The following GMFB variants were observed in gnomAD, a reference collection of about 807,000 sequenced individuals.
GMFB encodes GMF-beta.
GMFB carries 13 observed loss-of-function variants against 25.6 expected under a neutral mutation model. That is an observed-to-expected ratio of 0.51 (90% CI 0.33 to 0.81). The LOEUF (loss-of-function observed/expected upper bound fraction) is 0.81, where lower values mean the gene tolerates loss of function less well. Among genes scored for constraint, GMFB ranks in the 30% least tolerant of loss-of-function variants. GMFB has a pLI of 0.02. For missense variants in GMFB, 146 were observed against 175.4 expected (o/e 0.83, Z 0.95); for synonymous variants, 57 against 56.9 (o/e 1.00, Z 0.00).
intron 6 of GMFB, 71 bp from the exon 7 acceptor site, chr14:54,478,230 A>T (rs2031667097): frequency 3.5e-6 from 2 of 569,280 alleles, no homozygotes; most frequent in East Asian, 3.1e-5. Flanking sequence ...TGAATTTTTT[A>T]AAATATATTT....
intron 1 of GMFB, among the ~76,000 whole-genome samples, chr14:54,487,452 C>T (rs1047755973): frequency 4.6e-5 from 7 of 152,000 alleles, no homozygotes; most frequent in African/African-American, 1.2e-4. Context: ...GGAGAACGAA[C>T]GGCGTGAACC....
intron 2 of GMFB, chr14:54,483,362 C>G (rs1173702542): frequency 4.0e-6 from 1 of 250,964 alleles, no homozygotes; most frequent in East Asian, 8.1e-5. Flanking sequence ...TTTAGTCCCC[C>G]AAGAAGGATG....
chr14:54,488,965 G>T lies in GMFB; in HGVS notation c.-38C>A. 2 of 1,543,068 alleles carry T rather than the reference G, an allele frequency of 1.3e-6. No homozygotes were observed. Among genetic ancestry groups the T allele is most frequent in the East Asian group, 2.7e-5 (1 of 37,450 alleles). On this transcript the variant is annotated 5_prime_UTR_variant, in exon 1 of 7. Coordinates refer to ENST00000358056, the MANE Select transcript of GMFB (RefSeq NM_004124.3). ...CGTCAGCGGCCTGTCGCCTACACTC[G>T]GGCGCCTTTAAGAATGGCACGGCGG...
Position 54,475,092 on chromosome 14 carries a change from C to T in GMFB, c.*2996G>A, listed in dbSNP as rs139510972. ...ACTTGAATTGATAGAATATGAGTTA[C>T]TCTCTACTTCCACCAAATATCAGCA... On this transcript the variant is annotated 3_prime_UTR_variant, in exon 7 of 7. Transcript: ENST00000358056. 6.5e-4 allele frequency: 100 copies of T among 152,680 alleles called. No homozygotes were observed. Among genetic ancestry groups the T allele is most frequent in the African/African-American group, 2.3e-3 (96 of 41,558 alleles). 9.5% of individuals were successfully genotyped at this position (152,680 alleles called of 1,614,324 possible).
chr14:54,485,076 TG>T, intron 1 of GMFB, among the ~76,000 whole-genome samples: 1 of 148,484 alleles, frequency 6.7e-6, no homozygotes, highest in South Asian at 2.1e-4. Flanking sequence ...GCATACTAAA[TG>T]GGGAAAAACT....
intron 1 of GMFB, among the ~76,000 whole-genome samples, chr14:54,488,218 GATTT>G (rs1223419370): frequency 6.6e-6 from 1 of 152,176 alleles, no homozygotes; most frequent in Non-Finnish European, 1.5e-5. Flanking sequence ...CCTTGATGGC[GATTT>G]ATTTAATTTT....
chr14:54,486,248 C>G lies in GMFB; in HGVS notation c.4-2481G>C, dbSNP rs374427552. 4.6e-5 allele frequency among the ~76,000 whole-genome samples: 7 copies of G among 151,878 alleles called. No homozygotes were observed. In the South Asian group the frequency reaches 6.2e-4, roughly 14 times the overall value. On this transcript the variant is annotated intron_variant, in intron 1 of 6. Coordinates refer to ENST00000358056, the MANE Select transcript of GMFB (RefSeq NM_004124.3). Reference sequence around the variant, plus strand: ...CTGGCGACAGAGCGAGACTCCATCTCAAAAACAAAAACAAAAAAACAAAAA... The same window carrying G: ...CTGGCGACAGAGCGAGACTCCATCTGAAAAACAAAAACAAAAAAACAAAAA...
chr14:54,478,972 A>C (rs1329019681), intron 6 of GMFB: 1 of 152,116 alleles, frequency 6.6e-6, no homozygotes, highest in Non-Finnish European at 1.5e-5. Context: ...CGTTAGAGCA[A>C]CTCCAGTGTC....
At position 54,478,047 on chromosome 14, in the gene GMFB, C is replaced by G; in HGVS notation, c.*41G>C. 1 of 809,350 alleles carries G rather than the reference C, an allele frequency of 1.2e-6. No homozygotes were observed. Among genetic ancestry groups the G allele is most frequent in the South Asian group, 1.8e-5 (1 of 54,992 alleles). The allele number at this position is 809,350 out of a possible 1,614,324, so 50.1% of individuals were successfully genotyped here. On this transcript the variant is annotated 3_prime_UTR_variant, in exon 7 of 7. Coordinates refer to ENST00000358056, the MANE Select transcript of GMFB (RefSeq NM_004124.3). Reference sequence around the variant, plus strand: ...TATTTATGTCTGATTCCAGTATGGTCAGGTTAATACATAAATACTTTAGAA... The same window carrying G: ...TATTTATGTCTGATTCCAGTATGGTGAGGTTAATACATAAATACTTTAGAA...
At chr14:54,478,331 T>G in intron 6 of GMFB, 172 bp from the exon 7 acceptor site, 1 of 404,874 alleles carries the variant, frequency 2.5e-6, no homozygotes, top group Non-Finnish European at 4.5e-6. Context: ...ACTTAACCTG[T>G]GTAAATGAGA....
At chr14:54,486,023 G>A (rs542954818) in intron 1 of GMFB, among the ~76,000 whole-genome samples, 34 of 152,220 alleles carry the variant, frequency 2.2e-4, no homozygotes, top group South Asian at 6.2e-4. Context: ...AGGCCGAGGC[G>A]GGCGGATCAT....
chr14:54,477,333 G>T lies in GMFB; in HGVS notation c.*755C>A, dbSNP rs1320552461. On this transcript the variant is annotated 3_prime_UTR_variant, in exon 7 of 7. Transcript: ENST00000358056. Reference sequence around the variant, plus strand: ...CATTTAAAATAATTAGTGTTCACAGGACATTGAGGTGCTTTATAAATAAAG... The same window carrying T: ...CATTTAAAATAATTAGTGTTCACAGTACATTGAGGTGCTTTATAAATAAAG... 1 of 152,382 alleles carries T rather than the reference G, an allele frequency of 6.6e-6. No individual in the cohort carries two copies. Among genetic ancestry groups the T allele is most frequent in the Admixed American group, 6.6e-5 (1 of 15,246 alleles). The allele number at this position is 152,382 out of a possible 1,614,324, so 9.4% of individuals were successfully genotyped here.
rs1205890303 is a variant in GMFB, at chr14:54,477,451, G to A, written c.*637C>T. The A allele has an allele frequency of 6.6e-6, 1 of 152,274 alleles. No homozygotes were observed. The highest frequency in any genetic ancestry group is 2.4e-5 in the African/African-American group (1 of 41,412). 9.4% of individuals were successfully genotyped at this position (152,274 alleles called of 1,614,324 possible). Reference sequence around the variant, plus strand: ...ACCCACCAATTTCTAAGACTAAGATGCTATAAGGAGAAAAGCTAACAGTCA... The same window carrying A: ...ACCCACCAATTTCTAAGACTAAGATACTATAAGGAGAAAAGCTAACAGTCA... On this transcript the variant is annotated 3_prime_UTR_variant, in exon 7 of 7. Transcript: ENST00000358056.
intron 2 of GMFB, chr14:54,483,371 T>A: frequency 7.5e-6 from 2 of 266,722 alleles, no homozygotes; most frequent in Admixed American, 9.6e-5. Flanking sequence ...CCAAGAAGGA[T>A]GGGTTGGATG....
chr14:54,480,114 A>G, intron 5 of GMFB: 1 of 352,462 alleles, frequency 2.8e-6, no homozygotes, highest in South Asian at 4.3e-5. Flanking sequence ...CCTGACTTTT[A>G]GAGCCTTGCA....
Position 54,488,522 on chromosome 14 carries a change from C to T in GMFB, c.3+403G>A, listed in dbSNP as rs61985949. The T allele has an allele frequency of 5.7e-3, 1,138 of 199,948 alleles. 5 individuals are homozygous for T. Among genetic ancestry groups the T allele is most frequent in the Non-Finnish European group, 9.5e-3 (940 of 99,164 alleles). The allele number at this position is 199,948 out of a possible 1,614,324, so 12.4% of individuals were successfully genotyped here. ...GGAAGATGCTCGGGGCCCACCAACCCCTGGAACCTGGCCACGGCCCTGGCA... is the reference window on the plus strand; with the variant it reads ...GGAAGATGCTCGGGGCCCACCAACCTCTGGAACCTGGCCACGGCCCTGGCA... On this transcript the variant is annotated intron_variant, in intron 1 of 6. Transcript: ENST00000358056.
chr14:54,486,220 A>G (rs2031780587), intron 1 of GMFB, among the ~76,000 whole-genome samples: 1 of 152,230 alleles, frequency 6.6e-6, no homozygotes, highest in Non-Finnish European at 1.5e-5. Context: ...ACTGCACTCT[A>G]GCCTGGCGAC....
At chr14:54,483,568 A>T in intron 2 of GMFB, 103 bp downstream of exon 2, 1 of 652,824 alleles carries the variant, frequency 1.5e-6, no homozygotes, top group South Asian at 1.9e-5. Flanking sequence ...AATGAAACAG[A>T]GGAAGTAACA....
intron 1 of GMFB, among the ~76,000 whole-genome samples, chr14:54,484,729 CA>C (rs1039231266): frequency 2.0e-5 from 3 of 150,454 alleles, no homozygotes; most frequent in South Asian, 2.1e-4. Context: ...TATACAACAA[CA>C]AAAAAAAACT....
Sources: gnomAD v4.1 joint callset for allele counts (sites outside exome capture counted in the v4.1 genomes callset) on GRCh38, gnomAD v4.1.1 for gene constraint, MANE v1.5 for transcripts, NCBI Gene and HGNC (gene_info 2026-07-23, HGNC 2026-07-21) for gene names.